Variants in LMX1B observed in about 807,000 individuals in gnomAD.
LMX1B encodes the protein LIM homeobox transcription factor 1 beta, also known as LIM homeobox transcription factor 1-beta.
Under a neutral mutation model 51.4 loss-of-function variants are expected in LMX1B, and 12 were observed. That is an observed-to-expected ratio of 0.23 (90% CI 0.15 to 0.38). LMX1B has a LOEUF of 0.38. Among genes scored for constraint, LMX1B ranks in the 10% least tolerant of loss-of-function variants. The probability of loss-of-function intolerance (pLI) is 1.00; values close to 1 mark genes in which losing one functional copy is unlikely to be tolerated. For synonymous variants in LMX1B, 237 were observed against 235.4 expected (o/e 1.01, Z -0.06); for missense variants, 445 against 571.1 (o/e 0.78, Z 2.25).
intron 6 of LMX1B, among the ~76,000 whole-genome samples, chr9:126,694,512 A>G (rs971523126): frequency 9.2e-5 from 14 of 152,162 alleles, no homozygotes; most frequent in African/African-American, 3.4e-4. Flanking sequence ...TCGTGTTTCC[A>G]CATCAGAATC....
At chr9:126,628,146 T>C (rs1588267273) in intron 2 of LMX1B, among the ~76,000 whole-genome samples, 1 of 152,358 alleles carries the variant, frequency 6.6e-6, no homozygotes, top group Non-Finnish European at 1.5e-5. Context: ...TTCTTGTCTC[T>C]GACTCCCGCA....
At chr9:126,636,142 T>A (rs1835709818) in intron 2 of LMX1B, among the ~76,000 whole-genome samples, 1 of 152,154 alleles carries the variant, frequency 6.6e-6, no homozygotes, top group Non-Finnish European at 1.5e-5. Context: ...CCTCCCTTCC[T>A]CCTTTCTGAT....
chr9:126,691,218 C>A, intron 3 of LMX1B, 150 bp downstream of exon 3: 1 of 631,410 alleles, frequency 1.6e-6, no homozygotes, highest in South Asian at 1.9e-5. Context: ...CACACGCGCA[C>A]TGACGTGTCC....
In LMX1B at chr9:126,615,400, C is replaced by G. The variant is rs1228632022; in HGVS notation, c.157C>G (p.Pro53Ala). 1.2e-6 allele frequency: 2 copies of G among 1,602,860 alleles called. No homozygotes were observed. Among genetic ancestry groups the G allele is most frequent in the Admixed American group, 1.7e-5 (1 of 59,256 alleles). The part of the protein sequence containing the change: ...GVLLGSDCPH[P>A]AVCEGCQRPI... ...CGCTACAGGCTCCGACTGCCCGCAT[C>G]CCGCCGTCTGCGAGGGCTGCCAGCG... The change falls in exon 2 of 8, where the codon CCC becomes GCC. Residue 53 changes from proline to alanine, a missense_variant. By Grantham distance (27) the Pro-to-Ala change is conservative (BLOSUM62 -1). Transcript: ENST00000373474. The surrounding 1 kb of genome is among the most constrained non-coding windows in gnomAD (Gnocchi z 6.0).
rs550896851 is a variant in LMX1B at position 126,658,744 on chromosome 9, G to A, written c.327-32092G>A. ...ATCCACTTTGCTTAAGATAAATGCC[G>A]AACAAATAATCAAATTATCAAGCCA... On this transcript the variant is annotated intron_variant, in intron 2 of 7. Coordinates refer to ENST00000373474, the MANE Select transcript of LMX1B (RefSeq NM_001174147.2). This position sits in a 1 kb window ranked among gnomAD's most constrained non-coding sequence, Gnocchi z 4.0. Among the ~76,000 whole-genome samples, 218 of 152,318 alleles carry A rather than the reference G, an allele frequency of 1.4e-3. 1 individual carries two copies. Among genetic ancestry groups the A allele is most frequent in the Non-Finnish European group, 1.7e-3 (118 of 68,028 alleles).
At chr9:126,657,775 C>G (rs971072934) in intron 2 of LMX1B, among the ~76,000 whole-genome samples, 1 of 152,170 alleles carries the variant, frequency 6.6e-6, no homozygotes, top group African/African-American at 2.4e-5. Context: ...AAGAACATAC[C>G]AAGATAAGTC....
intron 2 of LMX1B, among the ~76,000 whole-genome samples, chr9:126,630,410 G>A (rs1835612046): frequency 6.6e-6 from 1 of 152,166 alleles, no homozygotes; most frequent in Admixed American, 6.5e-5. Flanking sequence ...AACTCTCCTG[G>A]CAGTAGGCAG....
chr9:126,691,061 C>T lies in LMX1B; in HGVS notation c.552C>T (p.Ser184=), dbSNP rs142488434. ...DLLSSVSPDE[S]DSVKSEDEDG... is the part of the protein sequence containing the mutation. The stretch of plus-strand genomic sequence containing the variant: ...TCAGCTCCGTGAGCCCCGACGAGTC[C>T]GACTCCGGTGAGGCCTGGCCTGAGC... The change falls in exon 3 of 8, where the codon TCC becomes TCT. Residue 184 remains serine, a synonymous_variant. Transcript: ENST00000373474. 1.2e-3 allele frequency: 1,962 copies of T among 1,608,936 alleles called. 37 individuals are homozygous for T. The South Asian group carries it at 0.02, about 17-fold the overall frequency.
chr9:126,673,494 G>A lies in LMX1B; in HGVS notation c.327-17342G>A, dbSNP rs145232588. Among the ~76,000 whole-genome samples, 11 of 152,300 alleles carry A rather than the reference G, an allele frequency of 7.2e-5. No individual in the cohort carries two copies. In the East Asian group the frequency reaches 2.1e-3, roughly 29 times the overall value. ...GCTCCCTCAGGTAGGGCAGAAGGTA[G>A]CTTTTGGCACCATCAGGGAGGTGGA... On this transcript the variant is annotated intron_variant, in intron 2 of 7. Transcript: ENST00000373474. The surrounding 1 kb of genome is among the most constrained non-coding windows in gnomAD (Gnocchi z 4.4).
intron 2 of LMX1B, among the ~76,000 whole-genome samples, chr9:126,635,561 A>G (rs1372742059): frequency 6.6e-6 from 1 of 152,192 alleles, no homozygotes; most frequent in East Asian, 1.9e-4. Flanking sequence ...TGGCGGTCTC[A>G]ACCTTGGTTC....
At chr9:126,669,430 C>A (rs917282901) in intron 2 of LMX1B, among the ~76,000 whole-genome samples, 1 of 152,164 alleles carries the variant, frequency 6.6e-6, no homozygotes, top group Admixed American at 6.5e-5. Context: ...AAGTTTCCTT[C>A]GGGTCTGCAT....
intron 2 of LMX1B, among the ~76,000 whole-genome samples, chr9:126,663,441 A>G (rs1291966952): frequency 1.3e-5 from 2 of 151,442 alleles, no homozygotes; most frequent in African/African-American, 4.9e-5. Flanking sequence ...AAAAAAAAGA[A>G]AAAAAAAAGA....
chr9:126,662,834 C>T (rs1836271502), intron 2 of LMX1B, among the ~76,000 whole-genome samples: 2 of 152,230 alleles, frequency 1.3e-5, no homozygotes, highest in African/African-American at 4.8e-5. Context: ...CCAGGTGGGG[C>T]TGTGCCACCG....
At chr9:126,668,477 G>A (rs1457625376) in intron 2 of LMX1B, among the ~76,000 whole-genome samples, 1 of 95,834 alleles carries the variant, frequency 1.0e-5, no homozygotes, top group Non-Finnish European at 2.2e-5. Context: ...ATTTTGAGAT[G>A]GAGTCTCGCT....
intron 2 of LMX1B, among the ~76,000 whole-genome samples, chr9:126,638,679 T>G (rs933526291): frequency 2.0e-5 from 3 of 151,972 alleles, no homozygotes; most frequent in Non-Finnish European, 4.4e-5. Flanking sequence ...TCGGGGCGCG[T>G]GGCGCAGCGG....
intron 2 of LMX1B, among the ~76,000 whole-genome samples, chr9:126,659,014 G>T (rs180754639): frequency 2.4e-3 from 370 of 152,324 alleles, no homozygotes; most frequent in African/African-American, 8.6e-3. Flanking sequence ...CGGGTGTTCT[G>T]GGGCTGGGGT....
In LMX1B at chr9:126,699,239, T is replaced by TC. The variant is rs2030455618; in HGVS notation, c.*2790dup. ...GAGGCAAGAGAGGGAAAGAGGCCTG[T>TC]CCAAGGTCCGGGTTAGTGACAGAGC... On this transcript the variant is annotated 3_prime_UTR_variant, in exon 8 of 8. Coordinates refer to ENST00000373474, the MANE Select transcript of LMX1B (RefSeq NM_001174147.2). The TC allele has an allele frequency of 6.6e-6, 1 of 152,180 alleles. No individual in the cohort carries two copies. The highest frequency in any genetic ancestry group is 1.5e-5 in the Non-Finnish European group (1 of 68,062). The allele number at this position is 152,180 out of a possible 1,614,324, so 9.4% of individuals were successfully genotyped here.
intron 2 of LMX1B, among the ~76,000 whole-genome samples, chr9:126,645,796 A>T (rs1249790162): frequency 1.3e-5 from 2 of 151,868 alleles, no homozygotes; most frequent in Non-Finnish European, 2.9e-5. Flanking sequence ...GTTGGAGTTG[A>T]CTCTCGAGTC....
chr9:126,654,142 G>C (rs189639851), intron 2 of LMX1B, among the ~76,000 whole-genome samples: 15 of 152,106 alleles, frequency 9.9e-5, no homozygotes, highest in Admixed American at 8.5e-4. Flanking sequence ...CAGCCCTTCT[G>C]AGCCACTCCC....
Sources: gnomAD v4.1 joint callset for allele counts (sites outside exome capture counted in the v4.1 genomes callset) on GRCh38, gnomAD v4.1.1 for gene constraint, Gnocchi (gnomAD v3.1) non-coding constraint, MANE v1.5 for transcripts, NCBI Gene and HGNC (gene_info 2026-07-23, HGNC 2026-07-21) for gene names.